LATS1: variants seen among roughly 807,000 people sequenced by gnomAD.
LATS1 encodes the protein serine/threonine-protein kinase LATS1.
A neutral mutation model predicts 106.6 loss-of-function variants in LATS1; 25 were observed. The observed-to-expected ratio is 0.23, with a 90% CI of 0.17 to 0.33. The LOEUF (loss-of-function observed/expected upper bound fraction) is 0.33. Among genes scored for constraint, LATS1 ranks in the 10% least tolerant of loss-of-function variants. The probability of loss-of-function intolerance (pLI) is 1.00; values close to 1 mark genes in which losing one functional copy is unlikely to be tolerated. For synonymous variants in LATS1, 465 were observed against 455.6 expected (o/e 1.02, Z -0.26); for missense variants, 1,040 against 1,382.6 (o/e 0.75, Z 3.93).
At chr6:149,688,393 C>T (rs1454326060) in intron 3 of LATS1, among the ~76,000 whole-genome samples, 1 of 152,088 alleles carries the variant, frequency 6.6e-6, no homozygotes, top group Non-Finnish European at 1.5e-5. Flanking sequence ...ACCGCAACCT[C>T]TGCCTCCCGG....
At chr6:149,682,106 G>A (rs1227979736) in intron 4 of LATS1, among the ~76,000 whole-genome samples, 4 of 121,508 alleles carry the variant, frequency 3.3e-5, no homozygotes, top group African/African-American at 6.1e-5. Context: ...GTGAGATGTC[G>A]TCTCAAAAAA....
chr6:149,689,581 A>G (rs533994959), intron 3 of LATS1, among the ~76,000 whole-genome samples: 2 of 152,312 alleles, frequency 1.3e-5, no homozygotes, highest in South Asian at 4.1e-4. Context: ...ACTATAATTC[A>G]AGATCAGCAT....
Position 149,680,260 on chromosome 6 carries a change from A to T in LATS1, c.2208T>A (p.Leu736=). 6.2e-7 allele frequency: 1 copy of T among 1,613,986 alleles called. No homozygotes were observed. ...TTCGAAGAAGAACATCTTTCTTTCG[A>T]AGAGTTTTTGTTGCATACAAAGCCT... ...DTKALYATKT[L]RKKDVLLRNQ... is the part of the protein sequence containing the mutation. Residue 736 remains leucine, a synonymous_variant, in exon 5 of 8, where the codon CTT becomes CTA. Coordinates refer to ENST00000543571, the MANE Select transcript of LATS1 (RefSeq NM_004690.4).
intron 5 of LATS1, among the ~76,000 whole-genome samples, chr6:149,678,162 TCCAAAAAAAAAAAAAAA>T (rs1466554836): frequency 2.1e-4 from 6 of 28,620 alleles, no homozygotes; most frequent in Admixed American, 1.1e-3. Flanking sequence ...CTACTAAAAA[TCCAAAAAAAAAAAAAAA>T]AAAAAAAAAA....
intron 2 of LATS1, among the ~76,000 whole-genome samples, chr6:149,698,089 T>C (rs1213598521): frequency 2.0e-5 from 3 of 152,180 alleles, no homozygotes; most frequent in African/African-American, 4.8e-5. Context: ...TTCTGGTGAT[T>C]ACTATGCTAA....
chr6:149,673,604 T>C (rs1237532425), intron 7 of LATS1, among the ~76,000 whole-genome samples: 2 of 151,804 alleles, frequency 1.3e-5, no homozygotes, highest in African/African-American at 4.9e-5. Context: ...CCTGAGAGAA[T>C]GCCTTATCAG....
At chr6:149,678,734 A>G (rs939158207) in intron 5 of LATS1, among the ~76,000 whole-genome samples, 8 of 152,194 alleles carry the variant, frequency 5.3e-5, no homozygotes, top group Non-Finnish European at 1.0e-4. Flanking sequence ...TGTAGTAGAA[A>G]TAACATGGGC....
At position 149,658,774 on chromosome 6, in the gene LATS1, A is replaced by G. The variant is rs1780788786; in HGVS notation, c.*2955T>C. 1 of 152,236 alleles carries G rather than the reference A, an allele frequency of 6.6e-6. No homozygotes were observed. Among genetic ancestry groups the G allele is most frequent in the Non-Finnish European group, 1.5e-5 (1 of 68,036 alleles). The allele number at this position is 152,236 out of a possible 1,614,324, so 9.4% of individuals were successfully genotyped here. A position where few individuals can be genotyped will look rare whatever the true frequency, so the allele number is the denominator to read the frequency against. ...TATTACAAATAAGAAGGTAGAAAAG[A>G]TACAGCAGTAGGGCCTGCCTTATGA... is the stretch of plus-strand genomic sequence containing the variant. On this transcript the variant is annotated 3_prime_UTR_variant, in exon 8 of 8. Coordinates refer to ENST00000543571, the MANE Select transcript of LATS1 (RefSeq NM_004690.4).
intron 1 of LATS1, among the ~76,000 whole-genome samples, chr6:149,712,844 A>C (rs1784181946): frequency 6.6e-6 from 1 of 151,964 alleles, no homozygotes; most frequent in African/African-American, 2.4e-5. Flanking sequence ...AAATAGAAAA[A>C]ATCAGCCAAT....
intron 3 of LATS1, among the ~76,000 whole-genome samples, chr6:149,691,369 T>C (rs914903850): frequency 1.2e-4 from 19 of 152,338 alleles, no homozygotes; most frequent in African/African-American, 3.4e-4. Flanking sequence ...CTTGGACTTC[T>C]AGTCTCCAGC....
In LATS1 at chr6:149,701,979, C is replaced by A. The variant is rs764644769; in HGVS notation, c.148G>T (p.Ala50Ser). 2 of 1,614,038 alleles carry A rather than the reference C, an allele frequency of 1.2e-6. No homozygotes were observed. The highest frequency in any genetic ancestry group is 1.7e-6 in the Non-Finnish European group (2 of 1,180,028). The change falls in exon 2 of 8, where the codon GCT becomes TCT. Residue 50 changes from alanine to serine, a missense_variant. Physicochemically the swap from Ala to Ser is moderately conservative, Grantham distance 99. Coordinates refer to ENST00000543571, the MANE Select transcript of LATS1 (RefSeq NM_004690.4). ...GACATTTTACTCATGTTATGCTCAG[C>A]CTTAGCAGCATCAGATGGTTTAGAT... ...NLSKPSDAAK[A>S]EHNMSKMSTE...
intron 1 of LATS1, among the ~76,000 whole-genome samples, chr6:149,711,969 TGACAGA>T (rs960289475): frequency 2.0e-5 from 3 of 151,604 alleles, no homozygotes; most frequent in African/African-American, 7.3e-5. Flanking sequence ...ACACAGTGAG[TGACAGA>T]GAGAGAGAGA....
intron 3 of LATS1, among the ~76,000 whole-genome samples, chr6:149,690,012 A>G (rs1782634017): frequency 6.6e-6 from 1 of 151,874 alleles, no homozygotes; most frequent in Admixed American, 6.6e-5. Flanking sequence ...TCCCATATAT[A>G]GAGCTCTACC....
At chr6:149,716,048 ATT>A (rs1007653884) in intron 1 of LATS1, among the ~76,000 whole-genome samples, 2 of 145,894 alleles carry the variant, frequency 1.4e-5, no homozygotes, top group African/African-American at 2.5e-5. Context: ...ACAGATCGCC[ATT>A]TTTTTTTTTT....
chr6:149,698,312 C>A (rs1414334097), intron 2 of LATS1, among the ~76,000 whole-genome samples: 1 of 150,760 alleles, frequency 6.6e-6, no homozygotes. Context: ...GGTGCAACCA[C>A]AACTCATTGC....
Position 149,679,879 on chromosome 6 carries a change from C to T in LATS1, c.2589G>A (p.Gln863=). The change falls in exon 5 of 8, where the codon CAG becomes CAA. Residue 863 remains glutamine, a synonymous_variant. Coordinates refer to ENST00000543571, the MANE Select transcript of LATS1 (RefSeq NM_004690.4). ...AAATTTTATGAGTTTACTTACCACTCTGATAGTACTTAGAATCGTGTGTCC... is the reference window on the plus strand; with the variant it reads ...AAATTTTATGAGTTTACTTACCACTTTGATAGTACTTAGAATCGTGTGTCC... ...FRWTHDSKYY[Q]SGDHPRQDSM... 6.3e-7 allele frequency: 1 copy of T among 1,576,982 alleles called. No individual in the cohort carries two copies. Among genetic ancestry groups the T allele is most frequent in the Non-Finnish European group, 8.6e-7 (1 of 1,162,734 alleles).
Position 149,717,942 on chromosome 6 carries a change from C to A in LATS1, c.-234G>T. 1 of 361,910 alleles carries A rather than the reference C, an allele frequency of 2.8e-6. No homozygotes were observed. The highest frequency in any genetic ancestry group is 5.3e-6 in the Non-Finnish European group (1 of 188,938). The allele number at this position is 361,910 out of a possible 1,614,324, so 22.4% of individuals were successfully genotyped here. A position where few individuals can be genotyped will look rare whatever the true frequency, so the allele number is the denominator to read the frequency against. On this transcript the variant is annotated 5_prime_UTR_variant, in exon 1 of 8. The change creates a new upstream start codon in the 5' untranslated region. Transcript: ENST00000543571. ...TCCGTCCCAGCAACCCCAAGTATCC[C>A]TGGTGGGGCAGAGCGGGGAGACGAA...
chr6:149,663,477 A>G lies in LATS1; in HGVS notation c.2884-1239T>C, dbSNP rs1434299155. 4.6e-5 allele frequency among the ~76,000 whole-genome samples: 7 copies of G among 152,216 alleles called. 1 individual carries two copies. Among genetic ancestry groups the G allele is most frequent in the Non-Finnish European group, 1.0e-4 (7 of 68,032 alleles). On this transcript the variant is annotated intron_variant, in intron 7 of 7. Transcript: ENST00000543571. ...GCGACAGAGCAAGACCCTGTCTCAA[A>G]AGAGGGAAAAAAAATCTTCAACTTG...
At position 149,683,746 on chromosome 6, in the gene LATS1, C is replaced by T. The variant is rs772566591; in HGVS notation, c.1343G>A (p.Gly448Glu). 1 of 1,613,926 alleles carries T rather than the reference C, an allele frequency of 6.2e-7. No homozygotes were observed. The highest frequency in any genetic ancestry group is 8.5e-7 in the Non-Finnish European group (1 of 1,180,014). The change falls in exon 4 of 8, where the codon GGG becomes GAG. Residue 448 changes from glycine to glutamate, a missense_variant. Transcript: ENST00000543571. ...SAPAQSSPSS[G>E]HEIPTWQPNI... Reference sequence around the variant, plus strand: ...AGGTTGCCATGTAGGGATTTCATGCCCACTGCTCGGGGATGACTGGGCTGG... The same window carrying T: ...AGGTTGCCATGTAGGGATTTCATGCTCACTGCTCGGGGATGACTGGGCTGG...
Sources: allele counts gnomAD v4.1 joint callset (sites outside exome capture counted in the v4.1 genomes callset), GRCh38; gene constraint gnomAD v4.1.1; transcripts MANE v1.5; gene names NCBI Gene and HGNC (gene_info 2026-07-23, HGNC 2026-07-21).